Variants in LYPD6B observed in about 807,000 individuals in gnomAD.
LYPD6B encodes LY6/PLAUR domain containing 6B.
LYPD6B carries 17 observed loss-of-function variants against 22.8 expected under a neutral mutation model. The ratio of observed to expected loss-of-function variants is 0.75; its 90% CI spans 0.51 to 1.12. The LOEUF is 1.12. Ranked by LOEUF, LYPD6B falls within the 50% of genes most tolerant of loss-of-function variation. LYPD6B has a pLI of 0.00. For synonymous variants in LYPD6B, 106 were observed against 91.6 expected, an observed-to-expected ratio of 1.16 and a Z score of -0.90; for missense variants, 221 against 258.3, an observed-to-expected ratio of 0.86 and a Z score of 0.99.
At chr2:149,194,368 T>C (rs1245420657) in intron 3 of LYPD6B, among the ~76,000 whole-genome samples, 1 of 152,186 alleles carries the variant, frequency 6.6e-6, no homozygotes, top group Non-Finnish European at 1.5e-5. Context: ...TAGCCTAGAT[T>C]CAAGACTCAG....
chr2:149,091,763 A>T (rs1473061951), intron 1 of LYPD6B, among the ~76,000 whole-genome samples: 1 of 152,172 alleles, frequency 6.6e-6, no homozygotes, highest in Non-Finnish European at 1.5e-5. Context: ...TCTCCTGTGA[A>T]TCACATACTG....
At position 149,191,944 on chromosome 2, in the gene LYPD6B, G is replaced by C. The variant is rs748605884; in HGVS notation, c.78-13309G>C. ...AAGGAAAAAGGACACTGTTTTGGTG[G>C]TTGAATTGGAAATCACCAATGCTGG... On this transcript the variant is annotated intron_variant, in intron 3 of 6. Coordinates refer to ENST00000409642, the MANE Select transcript of LYPD6B (RefSeq NM_177964.5). Among the ~76,000 whole-genome samples, 9 of 152,232 alleles carry C rather than the reference G, an allele frequency of 5.9e-5. No homozygotes were observed. The East Asian group carries it at 1.7e-3, about 29-fold the overall frequency.
intron 1 of LYPD6B, among the ~76,000 whole-genome samples, chr2:149,067,950 A>T (rs1261302842): frequency 6.6e-6 from 1 of 152,134 alleles, no homozygotes; most frequent in African/African-American, 2.4e-5. Context: ...AACTGGCCTG[A>T]TAGGAGGGGA....
At chr2:149,080,764 C>G (rs1279388647) in intron 1 of LYPD6B, among the ~76,000 whole-genome samples, 1 of 146,624 alleles carries the variant, frequency 6.8e-6, no homozygotes. Context: ...ATGGCTTGAA[C>G]CTGGGAGGTG....
At chr2:149,052,267 G>T (rs576465583) in intron 1 of LYPD6B, among the ~76,000 whole-genome samples, 1 of 152,192 alleles carries the variant, frequency 6.6e-6, no homozygotes, top group African/African-American at 2.4e-5. Context: ...ATGTTGGCCA[G>T]GATGGTCTCG....
intron 1 of LYPD6B, among the ~76,000 whole-genome samples, chr2:149,123,235 T>C (rs60793548): frequency 0.096 from 14,562 of 152,220 alleles, 2,017 homozygotes; most frequent in East Asian, 0.3. Context: ...AGAACATCAT[T>C]CAGCATGTTA....
intron 6 of LYPD6B, 27 bp from the exon 7 acceptor site, chr2:149,214,519 C>G: frequency 6.2e-7 from 1 of 1,609,306 alleles, no homozygotes; most frequent in Non-Finnish European, 8.5e-7. Context: ...TATTCACTGT[C>G]ATTTCCTCTC....
chr2:149,084,208 T>G (rs911088405), intron 1 of LYPD6B, among the ~76,000 whole-genome samples: 2 of 152,226 alleles, frequency 1.3e-5, no homozygotes, highest in African/African-American at 4.8e-5. Context: ...TTTCCAACCC[T>G]GTTTTTAAGT....
chr2:149,179,395 T>C (rs1025564707), intron 3 of LYPD6B, among the ~76,000 whole-genome samples: 1 of 152,234 alleles, frequency 6.6e-6, no homozygotes, highest in African/African-American at 2.4e-5. Context: ...GCCTTTATGT[T>C]GGTGAATTAC....
At chr2:149,187,574 C>CACATT in intron 3 of LYPD6B, 4 of 1,411,112 alleles carry the variant, frequency 2.8e-6, no homozygotes, top group Non-Finnish European at 3.7e-6. Flanking sequence ...TGAAGCCTGA[C>CACATT]ACATTGTAGG....
chr2:149,166,902 T>C (rs1690463469), intron 3 of LYPD6B, among the ~76,000 whole-genome samples: 1 of 152,084 alleles, frequency 6.6e-6, no homozygotes, highest in African/African-American at 2.4e-5. Context: ...TTGCTCACCT[T>C]CCCACACCAA....
intron 1 of LYPD6B, among the ~76,000 whole-genome samples, chr2:149,130,317 A>T (rs1352376368): frequency 6.6e-6 from 1 of 152,162 alleles, no homozygotes; most frequent in African/African-American, 2.4e-5. Flanking sequence ...GAAGGGGAGG[A>T]GAAGAGAAGT....
intron 1 of LYPD6B, among the ~76,000 whole-genome samples, chr2:149,095,277 CAA>C (rs1685851609): frequency 6.6e-6 from 1 of 151,972 alleles, no homozygotes; most frequent in African/African-American, 2.4e-5. Context: ...GCCTGAGAAA[CAA>C]GAGCAAAACT....
chr2:149,195,292 C>G (rs1035065773), intron 3 of LYPD6B, among the ~76,000 whole-genome samples: 2 of 152,132 alleles, frequency 1.3e-5, no homozygotes, highest in Non-Finnish European at 2.9e-5. Context: ...TAGAGACCAA[C>G]TCATGGGCTG....
chr2:149,189,345 T>A (rs1396581692), intron 3 of LYPD6B, among the ~76,000 whole-genome samples: 1 of 86,660 alleles, frequency 1.2e-5, no homozygotes, highest in African/African-American at 3.4e-5. Flanking sequence ...TCCAAAATTA[T>A]ATATATATAT....
At chr2:149,146,845 C>T (rs979573581) in intron 2 of LYPD6B, among the ~76,000 whole-genome samples, 2 of 152,098 alleles carry the variant, frequency 1.3e-5, no homozygotes, top group African/African-American at 2.4e-5. Context: ...GCTTACCTGC[C>T]GGAACATATT....
chr2:149,149,450 T>C (rs1689232669), intron 2 of LYPD6B, among the ~76,000 whole-genome samples: 1 of 152,170 alleles, frequency 6.6e-6, no homozygotes, highest in Non-Finnish European at 1.5e-5. Flanking sequence ...CCCTATGTCC[T>C]GTCTGCATAG....
intron 1 of LYPD6B, among the ~76,000 whole-genome samples, chr2:149,082,901 T>C (rs771661728): frequency 3.3e-5 from 5 of 152,162 alleles, no homozygotes; most frequent in African/African-American, 7.2e-5. Flanking sequence ...TTCTACCCCA[T>C]TGCCTGTAGG....
intron 2 of LYPD6B, among the ~76,000 whole-genome samples, chr2:149,134,037 G>A (rs552157466): frequency 6.6e-6 from 1 of 152,216 alleles, no homozygotes; most frequent in East Asian, 1.9e-4. Flanking sequence ...GGAAGAGTAA[G>A]CAAAGCAAGC....
Sources: allele counts gnomAD v4.1 joint callset (sites outside exome capture counted in the v4.1 genomes callset), GRCh38; gene constraint gnomAD v4.1.1; transcripts MANE v1.5; gene names NCBI Gene and HGNC (gene_info 2026-07-23, HGNC 2026-07-21).